The following KCNQ5 variants were observed in gnomAD, a reference collection of about 807,000 sequenced individuals.
The protein encoded by KCNQ5 is potassium voltage-gated channel subfamily Q member 5.
Under a neutral mutation model 98.2 loss-of-function variants are expected in KCNQ5, and 30 were observed. The ratio of observed to expected loss-of-function variants is 0.31; its 90% CI spans 0.23 to 0.41. The LOEUF is 0.41. Ranked by LOEUF, KCNQ5 falls within the 10% of genes least tolerant of loss-of-function variation. KCNQ5 has a pLI of 1.00. For missense variants in KCNQ5, 835 were observed against 1,182.5 expected (o/e 0.71, Z 4.31); for synonymous variants, 458 against 449.4 (o/e 1.02, Z -0.24).
intron 1 of KCNQ5, among the ~76,000 whole-genome samples, chr6:72,695,803 C>CT (rs1255820306): frequency 6.6e-6 from 1 of 152,156 alleles, no homozygotes; most frequent in Non-Finnish European, 1.5e-5. Context: ...GCTCATGTAT[C>CT]TAATCCCAGC....
In KCNQ5 at chr6:72,815,996, G is replaced by A. The variant is rs183875485; in HGVS notation, c.399-187912G>A. Among the ~76,000 whole-genome samples the A allele has an allele frequency of 2.3e-3, 353 of 152,268 alleles. 1 individual carries two copies. Among genetic ancestry groups the A allele is most frequent in the Non-Finnish European group, 3.8e-3 (260 of 68,032 alleles). On this transcript the variant is annotated intron_variant, in intron 1 of 13. Transcript: ENST00000370398. ...AATTGAAGCCTTGGAATTACCAAAG[G>A]AGAAAATGCCTGAGAACAGAGGCTT...
intron 1 of KCNQ5, among the ~76,000 whole-genome samples, chr6:72,906,208 C>G (rs1285254974): frequency 6.6e-6 from 1 of 152,162 alleles, no homozygotes; most frequent in Non-Finnish European, 1.5e-5. Flanking sequence ...CCTCACCCAG[C>G]TTCCACACAA....
chr6:72,931,543 T>A (rs1485850624), intron 1 of KCNQ5, among the ~76,000 whole-genome samples: 1 of 151,972 alleles, frequency 6.6e-6, no homozygotes, highest in Admixed American at 6.6e-5. Context: ...CTGGAAAGCA[T>A]ATGGACAAGT....
intron 1 of KCNQ5, among the ~76,000 whole-genome samples, chr6:72,996,222 G>A (rs1459391051): frequency 6.6e-6 from 1 of 152,156 alleles, no homozygotes; most frequent in Non-Finnish European, 1.5e-5. Context: ...ATACCAGAAG[G>A]ATCTGGGACA....
intron 9 of KCNQ5, among the ~76,000 whole-genome samples, chr6:73,125,142 T>A (rs1775924849): frequency 6.6e-6 from 1 of 151,048 alleles, no homozygotes; most frequent in Admixed American, 6.6e-5. Context: ...TCTACTCAAG[T>A]GACTCAAAGA....
chr6:72,714,071 A>G (rs1769514797), intron 1 of KCNQ5, among the ~76,000 whole-genome samples: 1 of 152,142 alleles, frequency 6.6e-6, no homozygotes, highest in African/African-American at 2.4e-5. Flanking sequence ...ATGTGTCCTT[A>G]CCCATTACAC....
chr6:73,183,291 C>A (rs1778463885), intron 11 of KCNQ5, among the ~76,000 whole-genome samples: 1 of 152,180 alleles, frequency 6.6e-6, no homozygotes, highest in South Asian at 2.1e-4. Context: ...GTTCTGTGAC[C>A]TTGAACAGGT....
intron 1 of KCNQ5, among the ~76,000 whole-genome samples, chr6:72,639,380 G>A (rs1303490317): frequency 6.6e-6 from 1 of 152,184 alleles, no homozygotes; most frequent in African/African-American, 2.4e-5. Flanking sequence ...TTGCCATCTA[G>A]GAGTGGACAG....
At chr6:72,676,260 T>C (rs899725480) in intron 1 of KCNQ5, among the ~76,000 whole-genome samples, 2 of 152,184 alleles carry the variant, frequency 1.3e-5, no homozygotes, top group Non-Finnish European at 2.9e-5. Flanking sequence ...GAGAAGTGTG[T>C]GGGAATGTAA....
chr6:72,752,051 C>T (rs78598993), intron 1 of KCNQ5, among the ~76,000 whole-genome samples: 4 of 152,058 alleles, frequency 2.6e-5, no homozygotes, highest in South Asian at 2.1e-4. Flanking sequence ...CATTGCTTCA[C>T]GTTGGGGGTA....
chr6:72,995,598 A>T (rs971895063), intron 1 of KCNQ5, among the ~76,000 whole-genome samples: 2 of 152,200 alleles, frequency 1.3e-5, no homozygotes, highest in Non-Finnish European at 2.9e-5. Context: ...GTAAGATGAT[A>T]GTCGTGGGAG....
At chr6:73,000,537 T>G (rs918143087) in intron 1 of KCNQ5, among the ~76,000 whole-genome samples, 1 of 152,206 alleles carries the variant, frequency 6.6e-6, no homozygotes, top group Admixed American at 6.5e-5. Flanking sequence ...TCCACGTGGA[T>G]GTCTAAAACT....
At chr6:73,074,039 T>A (rs1773413042) in intron 3 of KCNQ5, among the ~76,000 whole-genome samples, 1 of 152,192 alleles carries the variant, frequency 6.6e-6, no homozygotes, top group African/African-American at 2.4e-5. Context: ...ATTGATGTGG[T>A]AAGAGAACAA....
intron 2 of KCNQ5, among the ~76,000 whole-genome samples, chr6:73,013,240 G>A (rs1360858490): frequency 6.6e-6 from 1 of 152,096 alleles, no homozygotes; most frequent in East Asian, 1.9e-4. Flanking sequence ...ATTTCTGGTG[G>A]CTAATGAAAC....
intron 1 of KCNQ5, among the ~76,000 whole-genome samples, chr6:72,803,989 T>C (rs987783764): frequency 6.6e-6 from 1 of 152,102 alleles, no homozygotes; most frequent in Admixed American, 6.6e-5. Flanking sequence ...TAAATATAGA[T>C]TGATATAAAC....
At chr6:73,182,448 T>C (rs1778435642) in intron 11 of KCNQ5, among the ~76,000 whole-genome samples, 1 of 152,186 alleles carries the variant, frequency 6.6e-6, no homozygotes, top group Non-Finnish European at 1.5e-5. Flanking sequence ...GGCTAGCCTA[T>C]GTGAGAACTA....
intron 1 of KCNQ5, among the ~76,000 whole-genome samples, chr6:72,805,151 CA>C (rs976074967): frequency 6.6e-6 from 1 of 152,072 alleles, no homozygotes; most frequent in Non-Finnish European, 1.5e-5. Context: ...CCTTGCTGTG[CA>C]GAAGCTTTTT....
At chr6:72,807,581 C>G (rs1301970624) in intron 1 of KCNQ5, among the ~76,000 whole-genome samples, 1 of 152,136 alleles carries the variant, frequency 6.6e-6, no homozygotes, top group Non-Finnish European at 1.5e-5. Flanking sequence ...CCAATCACAG[C>G]TCACTGCAGC....
intron 10 of KCNQ5, among the ~76,000 whole-genome samples, chr6:73,139,392 A>C (rs1444153892): frequency 6.6e-6 from 1 of 152,184 alleles, no homozygotes; most frequent in African/African-American, 2.4e-5. Context: ...TTAAGGATTT[A>C]GGTTTGGGGA....
Sources: gnomAD v4.1 joint callset for allele counts (sites outside exome capture counted in the v4.1 genomes callset) on GRCh38, gnomAD v4.1.1 for gene constraint, MANE v1.5 for transcripts, NCBI Gene and HGNC (gene_info 2026-07-23, HGNC 2026-07-21) for gene names.